The following DPYSL5 variants were observed in gnomAD, a reference collection of about 807,000 sequenced individuals.
The protein encoded by DPYSL5 is dihydropyrimidinase-related protein 5.
Under a neutral mutation model 58.4 loss-of-function variants are expected in DPYSL5, and 9 were observed. The ratio of observed to expected loss-of-function variants is 0.15; its 90% CI spans 0.09 to 0.27. The LOEUF is 0.27. Among genes scored for constraint, DPYSL5 ranks in the 10% least tolerant of loss-of-function variants. DPYSL5 has a pLI of 1.00. For synonymous variants in DPYSL5, 293 were observed against 301.9 expected (o/e 0.97, Z 0.31); for missense variants, 499 against 770.6 (o/e 0.65, Z 4.17).
Position 26,892,756 on chromosome 2 carries a change from TGAGAGAGAGAGAGA to T in DPYSL5, c.-4-5715_-4-5702del, listed in dbSNP as rs144430871. ...CTTTGCATAGAGCATTGGGTTTGTT[TGAGAGAGAGAGAGA>T]GAGAGAGAGAGAGAGAGAGAGAGAA... On this transcript the variant is annotated intron_variant, in intron 1 of 12. Coordinates refer to ENST00000288699, the MANE Select transcript of DPYSL5 (RefSeq NM_020134.4). Among the ~76,000 whole-genome samples, 189 of 138,826 alleles carry T rather than the reference TGAGAGAGAGAGAGA, an allele frequency of 1.4e-3. 1 individual carries two copies. Among genetic ancestry groups the T allele is most frequent in the Admixed American group, 2.3e-3 (32 of 13,668 alleles). The allele number at this position is 138,826 out of a possible 152,430, so 91.1% of individuals were successfully genotyped here. A position where few individuals can be genotyped will look rare whatever the true frequency, so the allele number is the denominator to read the frequency against.
At chr2:26,916,185 A>G (rs1219048245) in intron 2 of DPYSL5, among the ~76,000 whole-genome samples, 1 of 152,064 alleles carries the variant, frequency 6.6e-6, no homozygotes, top group Non-Finnish European at 1.5e-5. Flanking sequence ...TGCTTCTTCC[A>G]AGAAACATGA....
intron 12 of DPYSL5, 39 bp from the exon 13 acceptor site, chr2:26,946,871 C>T (rs770290364): frequency 1.2e-5 from 18 of 1,563,824 alleles, no homozygotes; most frequent in Non-Finnish European, 1.5e-5. Flanking sequence ...TTAGCAGGCA[C>T]AAGAGCCCGT....
chr2:26,885,408 A>G (rs1399828173), intron 1 of DPYSL5, among the ~76,000 whole-genome samples: 1 of 152,090 alleles, frequency 6.6e-6, no homozygotes, highest in Non-Finnish European at 1.5e-5. Flanking sequence ...TCTCCAGTGC[A>G]GTGACAAAGG....
At chr2:26,867,534 C>A (rs938256725) in intron 1 of DPYSL5, among the ~76,000 whole-genome samples, 8 of 149,692 alleles carry the variant, frequency 5.3e-5, no homozygotes, top group Admixed American at 4.0e-4. Flanking sequence ...CGGCTCACTG[C>A]AAGCTCCGCC....
intron 1 of DPYSL5, among the ~76,000 whole-genome samples, chr2:26,874,501 G>A (rs180671812): frequency 4.6e-5 from 7 of 152,244 alleles, no homozygotes; most frequent in East Asian, 1.9e-4. Flanking sequence ...ACCTTGGTAC[G>A]TTTGTCAAAA....
intron 2 of DPYSL5, among the ~76,000 whole-genome samples, chr2:26,915,879 C>G (rs1263825657): frequency 6.6e-6 from 1 of 152,114 alleles, no homozygotes; most frequent in Non-Finnish European, 1.5e-5. Context: ...GAAGGTCCCT[C>G]CAGCCTAATA....
chr2:26,889,101 T>C (rs1663804448), intron 1 of DPYSL5, among the ~76,000 whole-genome samples: 1 of 152,106 alleles, frequency 6.6e-6, no homozygotes, highest in Non-Finnish European at 1.5e-5. Flanking sequence ...CACAGGAGAT[T>C]AGGCTTCGAC....
intron 2 of DPYSL5, among the ~76,000 whole-genome samples, chr2:26,916,090 C>T (rs1664555612): frequency 6.6e-6 from 1 of 152,134 alleles, no homozygotes. Flanking sequence ...GATTTTCTCT[C>T]TCCTGATGCC....
In DPYSL5 at chr2:26,942,037, C is replaced by T. The variant is rs752159624; in HGVS notation, c.1177C>T (p.Arg393Cys). 4.5e-5 allele frequency: 73 copies of T among 1,614,060 alleles called. 2 individuals carry two copies. The South Asian group carries it at 5.3e-4, about 12-fold the overall frequency. The change falls in exon 10 of 13, where the codon CGC becomes TGC. Residue 393 changes from arginine to cysteine, a missense_variant. Arg to Cys is a radical substitution (Grantham distance 180, BLOSUM62 -3). Transcript: ENST00000288699. The surrounding 1 kb of genome is among the most constrained non-coding windows in gnomAD (Gnocchi z 5.9). The part of the protein sequence containing the change: ...KLLNLYPRKG[R>C]IIPGADADVV... The stretch of plus-strand genomic sequence containing the variant: ...TCTGAACCTGTATCCCCGCAAGGGC[C>T]GCATTATTCCCGGAGCCGATGCTGA...
At chr2:26,887,564 ATGATC>A (rs1663751289) in intron 1 of DPYSL5, among the ~76,000 whole-genome samples, 2 of 152,362 alleles carry the variant, frequency 1.3e-5, no homozygotes, top group South Asian at 4.1e-4. Context: ...TGTGCATTTC[ATGATC>A]AAGAAGCAGC....
intron 1 of DPYSL5, chr2:26,848,571 G>C (rs1326274937): frequency 6.6e-6 from 1 of 152,466 alleles, no homozygotes; most frequent in Non-Finnish European, 1.5e-5. Flanking sequence ...GGGGTTTCGC[G>C]CCTAGCACGC....
chr2:26,923,357 A>G (rs1328738751), intron 2 of DPYSL5, among the ~76,000 whole-genome samples: 1 of 152,188 alleles, frequency 6.6e-6, no homozygotes, highest in East Asian at 1.9e-4. Flanking sequence ...CTAAGTTCTG[A>G]GTAACTAAAC....
In DPYSL5 at chr2:26,927,300, G is replaced by A. The variant is rs139678780; in HGVS notation, c.468G>A (p.Ser156=). Residue 156 remains serine, a synonymous_variant, in exon 4 of 13, where the codon TCG becomes TCA. Transcript: ENST00000288699. The surrounding 1 kb of genome is among the most constrained non-coding windows in gnomAD (Gnocchi z 4.3). ...ETLVREKGVN[S]FQMFMTYKDL... ...TGGTGAGGGAGAAGGGTGTCAACTC[G>A]TTCCAGATGTTCATGACCTACAAGG... The A allele has an allele frequency of 5.7e-4, 925 of 1,614,146 alleles. 1 individual carries two copies. Among genetic ancestry groups the A allele is most frequent in the Middle Eastern group, 1.2e-3 (7 of 6,062 alleles).
At chr2:26,908,514 A>G (rs1275485552) in intron 2 of DPYSL5, among the ~76,000 whole-genome samples, 1 of 152,208 alleles carries the variant, frequency 6.6e-6, no homozygotes, top group Non-Finnish European at 1.5e-5. Flanking sequence ...GGCCAGGTTG[A>G]TCCTTCTTAG....
intron 1 of DPYSL5, among the ~76,000 whole-genome samples, chr2:26,869,113 C>T (rs913319632): frequency 8.5e-5 from 13 of 152,200 alleles, no homozygotes; most frequent in Middle Eastern, 3.4e-3. Flanking sequence ...TATGGGTGCA[C>T]GCCACCATGC....
In DPYSL5 at chr2:26,934,472, C is replaced by T; in HGVS notation, c.791-106C>T. The T allele has an allele frequency of 7.2e-7, 1 of 1,394,458 alleles. No homozygotes were observed. The highest frequency in any genetic ancestry group is 9.7e-7 in the Non-Finnish European group (1 of 1,029,320). The allele number at this position is 1,394,458 out of a possible 1,614,324, so 86.4% of individuals were successfully genotyped here. On this transcript the variant is annotated intron_variant, in intron 7 of 12. Coordinates refer to ENST00000288699, the MANE Select transcript of DPYSL5 (RefSeq NM_020134.4). The surrounding 1 kb of genome is among the most constrained non-coding windows in gnomAD (Gnocchi z 4.3). Reference sequence around the variant, plus strand: ...CCCTGTGAGCTTGGGCAGGTCCCTTCCTGTCTCTGACCTCAGCTCCTTCAC... The same window carrying T: ...CCCTGTGAGCTTGGGCAGGTCCCTTTCTGTCTCTGACCTCAGCTCCTTCAC...
intron 2 of DPYSL5, among the ~76,000 whole-genome samples, chr2:26,915,644 T>G (rs1209676448): frequency 6.6e-6 from 1 of 152,126 alleles, no homozygotes. Context: ...TGTTACTGCC[T>G]CTCTGGTTGA....
intron 1 of DPYSL5, among the ~76,000 whole-genome samples, chr2:26,861,318 T>C (rs1666007646): frequency 1.3e-5 from 2 of 152,176 alleles, no homozygotes; most frequent in Admixed American, 6.5e-5. Flanking sequence ...GTTGGAACTG[T>C]AGGACACAGA....
At chr2:26,867,724 G>C (rs1663136086) in intron 1 of DPYSL5, among the ~76,000 whole-genome samples, 1 of 152,068 alleles carries the variant, frequency 6.6e-6, no homozygotes, top group South Asian at 2.1e-4. Context: ...CAAAGTGCTG[G>C]GATTACAGGC....
Sources: gnomAD v4.1 joint callset for allele counts (sites outside exome capture counted in the v4.1 genomes callset) on GRCh38, gnomAD v4.1.1 for gene constraint, Gnocchi (gnomAD v3.1) non-coding constraint, MANE v1.5 for transcripts, NCBI Gene and HGNC (gene_info 2026-07-23, HGNC 2026-07-21) for gene names.